Variants in EDA2R observed in about 807,000 individuals in gnomAD.
The protein encoded by EDA2R is ectodysplasin A2 receptor, also known as tumor necrosis factor receptor superfamily member 27.
EDA2R carries 26 observed loss-of-function variants against 20.1 expected under a neutral mutation model. The observed-to-expected ratio is 1.30, with a 90% CI of 0.95 to 1.80. EDA2R has a LOEUF of 1.80. Ranked by LOEUF, EDA2R falls within the 40% of genes most tolerant of loss-of-function variation. EDA2R has a pLI of 0.00. For synonymous variants in EDA2R, 114 were observed against 88.7 expected (o/e 1.29, Z -1.60); for missense variants, 277 against 228.7 (o/e 1.21, Z -1.36).
At position 66,615,990 on chromosome X, in the gene EDA2R, G is replaced by T. The variant is rs1207666953; in HGVS notation, c.31C>A (p.Gln11Lys). Reference protein sequence around the residue: MDCQENEYWDQWGRCVTCQRC... With the variant: MDCQENEYWDKWGRCVTCQRC... ...TGGCAGGTGACACACCGTCCCCATT[G>T]GTCCCAGTACTCATTTTCTTGGCAA... Residue 11 changes from glutamine to lysine, a missense_variant, in exon 2 of 7, where the codon CAA becomes AAA. By Grantham distance (53) the Gln-to-Lys change is moderately conservative. Coordinates refer to ENST00000374719, the MANE Select transcript of EDA2R (RefSeq NM_021783.5). 8.3e-7 allele frequency: 1 copy of T among 1,208,336 alleles called. No homozygotes were observed. Among genetic ancestry groups the T allele is most frequent in the African/African-American group, 1.8e-5 (1 of 57,084 alleles).
At chrX:66,618,907 A>G (rs994717076) in intron 1 of EDA2R, among the ~76,000 whole-genome samples, 2 of 112,380 alleles carry the variant, frequency 1.8e-5, no homozygotes, top group African/African-American at 6.5e-5. Context: ...CAGTTTTTTC[A>G]TCTGCAAAAT....
At chrX:66,602,117 C>T (rs768255165) in intron 5 of EDA2R, among the ~76,000 whole-genome samples, 22 of 111,529 alleles carry the variant, frequency 2.0e-4, no homozygotes, top group African/African-American at 7.2e-4. Flanking sequence ...ACCTCAACCA[C>T]TTTTATTACA....
At chrX:66,613,225 A>T (rs1602242517) in intron 2 of EDA2R, among the ~76,000 whole-genome samples, 2 of 111,982 alleles carry the variant, frequency 1.8e-5, no homozygotes, top group South Asian at 3.7e-4. Flanking sequence ...AATGAAACAA[A>T]ATTTAAAAGC....
In EDA2R at chrX:66,598,205, C is replaced by A. The variant is rs956621733; in HGVS notation, c.*11-112G>T. On this transcript the variant is annotated intron_variant, in intron 6 of 6. Coordinates refer to ENST00000374719, the MANE Select transcript of EDA2R (RefSeq NM_021783.5). Reference sequence around the variant, plus strand: ...AAGCCAATGGTTGAGGATGTAATAGCAGAAAGACATTACCTAGATAGGGAT... The same window carrying A: ...AAGCCAATGGTTGAGGATGTAATAGAAGAAAGACATTACCTAGATAGGGAT... 8.1e-5 allele frequency: 19 copies of A among 233,671 alleles called. No homozygotes were observed. The South Asian group carries it at 1.0e-3, about 13-fold the overall frequency. The allele number at this position is 233,671 out of a possible 1,213,427, so 19.3% of individuals were successfully genotyped here. A position where few individuals can be genotyped will look rare whatever the true frequency, so the allele number is the denominator to read the frequency against.
chrX:66,638,308 G>A (rs1934539893), intron 1 of EDA2R, among the ~76,000 whole-genome samples: 1 of 111,745 alleles, frequency 8.9e-6, no homozygotes, highest in South Asian at 3.8e-4. Flanking sequence ...CACCCAGCAT[G>A]ACATTGGCCA....
At position 66,599,560 on chromosome X, in the gene EDA2R, G is replaced by A; in HGVS notation, c.818C>T (p.Thr273Ile). The A allele has an allele frequency of 8.4e-7, 1 of 1,191,442 alleles. No individual in the cohort carries two copies. Among genetic ancestry groups the A allele is most frequent in the Non-Finnish European group, 1.1e-6 (1 of 884,586 alleles). Reference sequence around the variant, plus strand: ...GCTTTCGACTGTGTTTCCCCCCAAGGTCTCAGCTCCAGTATAGGAGGCAGA... The same window carrying A: ...GCTTTCGACTGTGTTTCCCCCCAAGATCTCAGCTCCAGTATAGGAGGCAGA... The part of the protein sequence containing the change: ...SSSASYTGAE[T>I]LGGNTVESTG... Residue 273 changes from threonine (T) to isoleucine (I), a missense_variant, in exon 6 of 7, where the codon ACC (threonine) becomes ATC (isoleucine). By Grantham distance (89) the Thr-to-Ile change is moderately conservative. Coordinates refer to ENST00000374719, the MANE Select transcript of EDA2R (RefSeq NM_021783.5).
At chrX:66,616,896 T>G (rs750612456) in intron 1 of EDA2R, among the ~76,000 whole-genome samples, 1 of 112,091 alleles carries the variant, frequency 8.9e-6, no homozygotes, top group African/African-American at 3.2e-5. Flanking sequence ...TGTATATAGC[T>G]CTTGGGAGGG....
In EDA2R at chrX:66,604,414, T is replaced by TAC; in HGVS notation, c.352+5_352+6dup. 8.3e-7 allele frequency: 1 copy of TAC among 1,206,031 alleles called. No homozygotes were observed. The highest frequency in any genetic ancestry group is 3.0e-5 in the East Asian group (1 of 33,713). Reference sequence around the variant, plus strand: ...GGAGAAAGGGAAGAAGAGAACTGGGTACACACATTGAACCTCAGAGGTGGG... The same window carrying TAC: ...GGAGAAAGGGAAGAAGAGAACTGGGTACACACACATTGAACCTCAGAGGTGGG... On this transcript the variant is annotated splice_region_variant and intron_variant, in intron 4 of 6. Transcript: ENST00000374719.
intron 5 of EDA2R, among the ~76,000 whole-genome samples, chrX:66,600,558 G>A (rs1157901444): frequency 8.9e-6 from 1 of 111,904 alleles, no homozygotes; most frequent in East Asian, 2.8e-4. Context: ...AAGAAACACA[G>A]CCCTGCCAAT....
chrX:66,610,716 A>G (rs1350113307), intron 2 of EDA2R, among the ~76,000 whole-genome samples: 1 of 111,871 alleles, frequency 8.9e-6, no homozygotes, highest in East Asian at 2.8e-4. Context: ...GAATTTATAT[A>G]CTTGTTTATT....
At chrX:66,611,088 G>A (rs1325865828) in intron 2 of EDA2R, among the ~76,000 whole-genome samples, 2 of 111,441 alleles carry the variant, frequency 1.8e-5, no homozygotes, top group Non-Finnish European at 3.8e-5. Flanking sequence ...CCAGGAAATC[G>A]TCTATACCTG....
chrX:66,629,823 A>C (rs1161148889), intron 1 of EDA2R, among the ~76,000 whole-genome samples: 2 of 111,251 alleles, frequency 1.8e-5, no homozygotes, highest in Non-Finnish European at 3.8e-5. Flanking sequence ...CATTCTTCAC[A>C]GAATTACAAA....
chrX:66,622,280 T>C (rs868778669), intron 1 of EDA2R, among the ~76,000 whole-genome samples: 15 of 111,617 alleles, frequency 1.3e-4, no homozygotes, highest in Non-Finnish European at 3.8e-5. Flanking sequence ...ACATCAATAG[T>C]AATCCCCAAA....
intron 5 of EDA2R, among the ~76,000 whole-genome samples, 184 bp downstream of exon 5, chrX:66,602,449 T>A (rs1334207046): frequency 1.8e-5 from 2 of 110,967 alleles, no homozygotes; most frequent in South Asian, 7.8e-4. Context: ...GCTTCAGTAA[T>A]CTCTTAAGTC....
chrX:66,632,048 C>T (rs73531483), intron 1 of EDA2R, among the ~76,000 whole-genome samples: 86 of 111,581 alleles, frequency 7.7e-4, no homozygotes, highest in African/African-American at 2.6e-3. Context: ...AAAAATCCTA[C>T]GCTCTAGATT....
At chrX:66,613,573 T>G (rs748429671) in intron 2 of EDA2R, among the ~76,000 whole-genome samples, 1 of 111,876 alleles carries the variant, frequency 8.9e-6, no homozygotes, top group South Asian at 3.7e-4. Context: ...CATTTGCGTT[T>G]AGGCTTCTGG....
chrX:66,623,486 T>C (rs764366299), intron 1 of EDA2R, among the ~76,000 whole-genome samples: 104 of 112,025 alleles, frequency 9.3e-4, no homozygotes, highest in African/African-American at 3.3e-3. Flanking sequence ...AATGAATGGG[T>C]ATGTAAAAAC....
intron 1 of EDA2R, among the ~76,000 whole-genome samples, chrX:66,632,368 G>A (rs1048869177): frequency 7.2e-5 from 8 of 110,748 alleles, no homozygotes; most frequent in Non-Finnish European, 1.3e-4. Context: ...AGGTTGCAGT[G>A]AGCCGAGATT....
At chrX:66,624,716 G>C (rs1271598773) in intron 1 of EDA2R, among the ~76,000 whole-genome samples, 1 of 110,946 alleles carries the variant, frequency 9.0e-6, no homozygotes, top group Non-Finnish European at 1.9e-5. Flanking sequence ...GTGCATTTTA[G>C]CTCCAGGACG....
Sources: allele counts gnomAD v4.1 joint callset (sites outside exome capture counted in the v4.1 genomes callset), GRCh38; gene constraint gnomAD v4.1.1; transcripts MANE v1.5; gene names NCBI Gene and HGNC (gene_info 2026-07-23, HGNC 2026-07-21).